TPM4: variants seen among roughly 807,000 people sequenced by gnomAD.
TPM4 encodes tropomyosin alpha-4 chain.
In TPM4, 17 loss-of-function variants were observed where a neutral mutation model predicts 35.8. The ratio of observed to expected loss-of-function variants is 0.47; its 90% CI spans 0.32 to 0.71. The LOEUF (loss-of-function observed/expected upper bound fraction) is 0.71, where lower values mean the gene tolerates loss of function less well. Among genes scored for constraint, TPM4 ranks in the 30% least tolerant of loss-of-function variants. The pLI, the probability that TPM4 is intolerant of heterozygous loss-of-function variation, is 0.03. For missense variants in TPM4, 240 were observed against 320.9 expected (o/e 0.75, Z 1.93); for synonymous variants, 120 against 122.9 (o/e 0.98, Z 0.15).
At chr19:16,075,270 G>A (rs1204373349), upstream of TPM4, 1 of 152,198 alleles carries the variant, frequency 6.6e-6, no homozygotes, top group African/African-American at 2.4e-5. Context: ...CCATAGGCCT[G>A]AGCTTCTCAA....
At chr19:16,088,333 A>C in intron 4 of TPM4, 1 of 1,355,114 alleles carries the variant, frequency 7.4e-7, no homozygotes, top group Non-Finnish European at 9.6e-7. Flanking sequence ...ATGAGGAAAT[A>C]GGAGTGAGAC....
intron 5 of TPM4, chr19:16,093,120 A>G (rs752173066): frequency 7.3e-5 from 13 of 177,868 alleles, no homozygotes; most frequent in Non-Finnish European, 1.4e-4. Context: ...CCCCCAAAAC[A>G]CTGGAATCAC....
At chr19:16,079,066 TCG>T (rs2090449109) in intron 1 of TPM4, among the ~76,000 whole-genome samples, 1 of 152,158 alleles carries the variant, frequency 6.6e-6, no homozygotes, top group South Asian at 2.1e-4. Context: ...CCAAAATGAC[TCG>T]GCCGTGACTA....
intron 1 of TPM4, chr19:16,080,874 T>G (rs1264511962): frequency 2.5e-6 from 1 of 394,874 alleles, no homozygotes; most frequent in South Asian, 1.4e-4. Flanking sequence ...GGCCCTGGAG[T>G]TCCTGGTTTA....
chr19:16,088,282 A>G (rs2090584057), intron 4 of TPM4, 185 bp downstream of exon 4: 2 of 1,411,398 alleles, frequency 1.4e-6, no homozygotes, highest in East Asian at 2.6e-5. Context: ...TCTTACTGCC[A>G]TGGGAAGCAC....
chr19:16,093,726 C>A lies in TPM4; in HGVS notation c.637C>A (p.Leu213Met), dbSNP rs1239708700. Residue 213 changes from leucine to methionine, a missense_variant, in exon 7 of 8, where the codon CTG becomes ATG. Coordinates refer to ENST00000643579, the MANE Select transcript of TPM4 (RefSeq NM_003290.3). ...AEFAERTVAK[L>M]EKTIDDLEEK... is the part of the protein sequence containing the mutation. The stretch of plus-strand genomic sequence containing the variant: ...ATTTGCAGAGAGAACGGTTGCAAAA[C>A]TGGAAAAGACAATTGATGACCTGGA... The A allele has an allele frequency of 6.2e-7, 1 of 1,613,914 alleles. No homozygotes were observed. The highest frequency in any genetic ancestry group is 1.7e-5 in the Admixed American group (1 of 59,992).
At chr19:16,078,841 A>G (rs1015449212) in intron 1 of TPM4, among the ~76,000 whole-genome samples, 1 of 151,780 alleles carries the variant, frequency 6.6e-6, no homozygotes, top group Non-Finnish European at 1.5e-5. Flanking sequence ...AAAAAAAAAA[A>G]AAAAAAAACC....
At position 16,102,297 on chromosome 19, in the gene TPM4, C is replaced by T. The variant is rs2090770880; in HGVS notation, c.*951C>T. On this transcript the variant is annotated 3_prime_UTR_variant, in exon 8 of 8. Transcript: ENST00000643579. ...GAGACTGCAGTGAGCCGATATCGCA[C>T]CACAGCGCTCCAGCCTGGTCGACAG... The T allele has an allele frequency of 5.1e-6, 1 of 194,642 alleles. No homozygotes were observed. The highest frequency in any genetic ancestry group is 1.1e-5 in the Non-Finnish European group (1 of 93,504). 12.1% of individuals were successfully genotyped at this position (194,642 alleles called of 1,614,324 possible). A position where few individuals can be genotyped will look rare whatever the true frequency, so the allele number is the denominator to read the frequency against.
Position 16,102,516 on chromosome 19 carries a change from T to C in TPM4, c.*1170T>C, listed in dbSNP as rs1434937973. 1 of 226,272 alleles carries C rather than the reference T, an allele frequency of 4.4e-6. No homozygotes were observed. 14.0% of individuals were successfully genotyped at this position (226,272 alleles called of 1,614,324 possible). A position where few individuals can be genotyped will look rare whatever the true frequency, so the allele number is the denominator to read the frequency against. On this transcript the variant is annotated 3_prime_UTR_variant, in exon 8 of 8. Coordinates refer to ENST00000643579, the MANE Select transcript of TPM4 (RefSeq NM_003290.3). Reference sequence around the variant, plus strand: ...TATCTATTAGCAGAAAGGGCCTCTCTGGCAGCAGAGATTAAAAACTGGCCC... The same window carrying C: ...TATCTATTAGCAGAAAGGGCCTCTCCGGCAGCAGAGATTAAAAACTGGCCC...
chr19:16,096,476 C>G (rs774590893), intron 7 of TPM4, among the ~76,000 whole-genome samples: 2 of 152,212 alleles, frequency 1.3e-5, no homozygotes, highest in Non-Finnish European at 2.9e-5. Context: ...AAGCCTGTGT[C>G]AAAAATGAGG....
chr19:16,091,212 C>T (rs2090622690), intron 5 of TPM4, among the ~76,000 whole-genome samples: 2 of 151,832 alleles, frequency 1.3e-5, no homozygotes, highest in South Asian at 4.1e-4. Context: ...ACACCACGCC[C>T]AGCTAATTTT....
At chr19:16,101,220 A>G (rs1388500593) in intron 7 of TPM4, 44 bp from the exon 8 acceptor site, 1 of 1,391,624 alleles carries the variant, frequency 7.2e-7, no homozygotes, top group South Asian at 1.3e-5. Context: ...TTTAACAAAG[A>G]CGCTTATTAA....
chr19:16,071,343 C>A (rs761348493), intron 2 of TPM4, among the ~76,000 whole-genome samples: 2 of 152,142 alleles, frequency 1.3e-5, no homozygotes, highest in African/African-American at 4.8e-5. Flanking sequence ...CACACCTCCA[C>A]GCCCAGCTAG....
chr19:16,076,974 T>A, intron 1 of TPM4: 2 of 472,528 alleles, frequency 4.2e-6, no homozygotes, highest in Non-Finnish European at 6.2e-6. Context: ...GCGGAGGGGG[T>A]GAGCGATCTC....
At position 16,067,898 on chromosome 19, in the gene TPM4, T is replaced by A; in HGVS notation, c.114+160T>A. 1.6e-6 allele frequency: 1 copy of A among 636,370 alleles called. No homozygotes were observed. Among genetic ancestry groups the A allele is most frequent in the Non-Finnish European group, 2.6e-6 (1 of 388,982 alleles). The allele number at this position is 636,370 out of a possible 1,614,324, so 39.4% of individuals were successfully genotyped here. A position where few individuals can be genotyped will look rare whatever the true frequency, so the allele number is the denominator to read the frequency against. On this transcript the variant is annotated intron_variant, in intron 2 of 2. Transcript: ENST00000589897. The surrounding 1 kb of genome is among the most constrained non-coding windows in gnomAD (Gnocchi z 4.1). ...CGAGGGGACCATTGCCTTCCTTGGA[T>A]GGGGTCCTGGGCTGGAAGAGGGGTG...
At chr19:16,077,868 TC>T in intron 1 of TPM4, 1 of 292,394 alleles carries the variant, frequency 3.4e-6, no homozygotes, top group Non-Finnish European at 6.3e-6. Context: ...TTCAAGAGAT[TC>T]TCCTGCTTCA....
intron 7 of TPM4, chr19:16,099,987 G>C (rs2144967197): frequency 6.6e-6 from 1 of 152,264 alleles, no homozygotes; most frequent in Admixed American, 6.5e-5. Flanking sequence ...TGGGTTACAG[G>C]ATTTTAGATT....
In TPM4 at chr19:16,077,000, A is replaced by G. The variant is rs62116851; in HGVS notation, c.132+303A>G. 28,756 of 358,582 alleles carry G rather than the reference A, an allele frequency of 0.08. 1,444 individuals are homozygous for G. Among genetic ancestry groups the G allele is most frequent in the Middle Eastern group, 0.1 (122 of 1,164 alleles). The allele number at this position is 358,582 out of a possible 1,614,324, so 22.2% of individuals were successfully genotyped here. On this transcript the variant is annotated intron_variant, in intron 1 of 7. Transcript: ENST00000643579. ...GAGCGATCTCCGGGTGGAGAAGTGG[A>G]GCGGCGGGAGGGGGCGTATCGTGCA... is the stretch of plus-strand genomic sequence containing the variant.
intron 1 of TPM4, chr19:16,081,169 G>C (rs574499405): frequency 2.5e-6 from 1 of 397,736 alleles, no homozygotes; most frequent in East Asian, 3.6e-5. Flanking sequence ...AGGACACAAT[G>C]AGCCGGGTCA....
Sources: allele counts gnomAD v4.1 joint callset (sites outside exome capture counted in the v4.1 genomes callset), GRCh38; gene constraint gnomAD v4.1.1; non-coding constraint Gnocchi (gnomAD v3.1); transcripts MANE v1.5; gene names NCBI Gene and HGNC (gene_info 2026-07-23, HGNC 2026-07-21).